PCDHGB2: variants seen among roughly 807,000 people sequenced by gnomAD.
PCDHGB2 encodes the protein protocadherin gamma subfamily B, 2.
Under a neutral mutation model 59.3 loss-of-function variants are expected in PCDHGB2, and 55 were observed. The ratio of observed to expected loss-of-function variants is 0.93; its 90% CI spans 0.75 to 1.16. PCDHGB2 has a LOEUF of 1.16. Among genes scored for constraint, PCDHGB2 ranks in the 50% most tolerant of loss-of-function variants. PCDHGB2 has a pLI of 0.00. For missense variants in PCDHGB2, 1,228 were observed against 1,198.5 expected, an observed-to-expected ratio of 1.02 and a Z score of -0.36; for synonymous variants, 516 against 512.0, an observed-to-expected ratio of 1.01 and a Z score of -0.11.
chr5:141,460,075 C>T (rs2098981644), intron 1 of PCDHGB2, among the ~76,000 whole-genome samples: 2 of 151,896 alleles, frequency 1.3e-5, no homozygotes, highest in East Asian at 1.9e-4. Context: ...GAGACTTCAT[C>T]TAAAAAATAA....
chr5:141,393,615 G>A (rs1168568292), intron 1 of PCDHGB2: 1 of 1,613,928 alleles, frequency 6.2e-7, no homozygotes, highest in South Asian at 1.1e-5. Context: ...AACAGCCAGC[G>A]ACCCGGATGA....
rs559636619 is a variant in PCDHGB2 at position 141,371,768 on chromosome 5, C to A, written c.2421+9212C>A. ...CCGTTTTCCACCAGGCCTCCTACAC[C>A]GTGCATGTAGCTGAGAACAATCCGC... On this transcript the variant is annotated intron_variant, in intron 1 of 3. Coordinates refer to ENST00000522605, the MANE Select transcript of PCDHGB2 (RefSeq NM_018923.3). 6.8e-6 allele frequency: 11 copies of A among 1,614,032 alleles called. No homozygotes were observed. The South Asian group carries it at 7.7e-5, about 11-fold the overall frequency.
intron 1 of PCDHGB2, among the ~76,000 whole-genome samples, chr5:141,457,046 T>A (rs2098905373): frequency 6.6e-6 from 1 of 152,198 alleles, no homozygotes; most frequent in South Asian, 2.1e-4. Flanking sequence ...ATAGTAAAAC[T>A]TTCATGCTTC....
chr5:141,460,026 C>T (rs565259315), intron 1 of PCDHGB2, among the ~76,000 whole-genome samples: 36 of 152,090 alleles, frequency 2.4e-4, no homozygotes, highest in Non-Finnish European at 3.2e-4. Flanking sequence ...TGCAGTGAGC[C>T]GAGACTGCAC....
At position 141,484,465 on chromosome 5, in the gene PCDHGB2, A is replaced by G. The variant is rs2099596840; in HGVS notation, c.2422-10342A>G. On this transcript the variant is annotated intron_variant, in intron 1 of 3. Coordinates refer to ENST00000522605, the MANE Select transcript of PCDHGB2 (RefSeq NM_018923.3). ...ATTTAATTGGCTACGTTAATGTGTA[A>G]GCCTTTTCTGCAAAGAGATGGATCC... is the stretch of plus-strand genomic sequence containing the variant. Among the ~76,000 whole-genome samples, 4 of 152,236 alleles carry G rather than the reference A, an allele frequency of 2.6e-5. No individual in the cohort carries two copies. In the South Asian group the frequency reaches 6.2e-4, roughly 24 times the overall value.
At chr5:141,455,607 G>A (rs2098827849) in intron 1 of PCDHGB2, among the ~76,000 whole-genome samples, 1 of 152,248 alleles carries the variant, frequency 6.6e-6, no homozygotes, top group East Asian at 1.9e-4. Context: ...GGGCGCCATG[G>A]ATGTTCTAAA....
At chr5:141,393,224 T>C in intron 1 of PCDHGB2, 1 of 1,613,670 alleles carries the variant, frequency 6.2e-7, no homozygotes, top group South Asian at 1.1e-5. Flanking sequence ...AGGTCGAAGA[T>C]CTAGAAGTAA....
At chr5:141,437,764 A>G (rs1408729040) in intron 1 of PCDHGB2, among the ~76,000 whole-genome samples, 1 of 149,226 alleles carries the variant, frequency 6.7e-6, no homozygotes, top group Non-Finnish European at 1.5e-5. Flanking sequence ...TTTGAGACAG[A>G]GTCTCAATCT....
In PCDHGB2 at chr5:141,489,291, C is replaced by A; in HGVS notation, c.2422-5516C>A. ...TCGCTGGGAAATGGCAAGTGCTGTG[C>A]ATGTTGTCCTTGTGCTGCTGGGGCT... is the stretch of plus-strand genomic sequence containing the variant. On this transcript the variant is annotated intron_variant, in intron 1 of 3. Transcript: ENST00000522605. This position sits in a 1 kb window ranked among gnomAD's most constrained non-coding sequence, Gnocchi z 4.5. 6.3e-7 allele frequency: 1 copy of A among 1,577,628 alleles called. No homozygotes were observed. The highest frequency in any genetic ancestry group is 8.6e-7 in the Non-Finnish European group (1 of 1,161,994).
Position 141,489,784 on chromosome 5 carries a change from G to A in PCDHGB2, c.2422-5023G>A. 1 of 1,614,218 alleles carries A rather than the reference G, an allele frequency of 6.2e-7. No individual in the cohort carries two copies. Among genetic ancestry groups the A allele is most frequent in the Non-Finnish European group, 8.5e-7 (1 of 1,180,010 alleles). On this transcript the variant is annotated intron_variant, in intron 1 of 3. Transcript: ENST00000522605. This position sits in a 1 kb window ranked among gnomAD's most constrained non-coding sequence, Gnocchi z 4.5. ...CCCCAACAGCCACTTCTCTCTGAAT[G>A]TGAAGACCCTAAAAGATGGGAAGCC...
intron 1 of PCDHGB2, chr5:141,378,008 G>C (rs1168840541): frequency 6.6e-6 from 1 of 152,090 alleles, no homozygotes; most frequent in Non-Finnish European, 1.5e-5. Context: ...GCTCAAATAA[G>C]CTCTACTTAT....
At chr5:141,449,264 C>CTG (rs2098633558) in intron 1 of PCDHGB2, among the ~76,000 whole-genome samples, 1 of 152,056 alleles carries the variant, frequency 6.6e-6, no homozygotes, top group African/African-American at 2.4e-5. Context: ...GTACAAAGAA[C>CTG]TGTATCTCCT....
intron 1 of PCDHGB2, among the ~76,000 whole-genome samples, chr5:141,467,931 T>C (rs771009105): frequency 1.3e-5 from 2 of 151,966 alleles, no homozygotes; most frequent in Non-Finnish European, 2.9e-5. Flanking sequence ...AATGCTAGGA[T>C]TACAAGCATG....
intron 2 of PCDHGB2, among the ~76,000 whole-genome samples, chr5:141,495,703 GGAGT>G (rs2099763108): frequency 6.6e-6 from 1 of 152,098 alleles, no homozygotes; most frequent in South Asian, 2.1e-4. Context: ...CAATAAATGT[GGAGT>G]GAGTAACTAC....
intron 1 of PCDHGB2, chr5:141,419,981 AT>A (rs1205154474): frequency 1.2e-6 from 2 of 1,614,052 alleles, no homozygotes; most frequent in Admixed American, 3.3e-5. Flanking sequence ...CCTCGCGGTG[AT>A]TCTAGCTATT....
intron 1 of PCDHGB2, chr5:141,404,569 C>T (rs887708182): frequency 6.2e-7 from 1 of 1,613,608 alleles, no homozygotes; most frequent in African/African-American, 1.3e-5. Context: ...ACAGTGGAAG[C>T]CCACCACTTA....
At chr5:141,394,268 C>G in intron 1 of PCDHGB2, 1 of 1,613,946 alleles carries the variant, frequency 6.2e-7, no homozygotes, top group African/African-American at 1.3e-5. Flanking sequence ...AGGAGAATGC[C>G]CAGGTCACTT....
chr5:141,485,768 C>G lies in PCDHGB2; in HGVS notation c.2422-9039C>G. ...GGTCCCAGAGCTGCTCCTGGAGAAG[C>G]CTTTGGATCGAGAGAAGCAATCGGA... On this transcript the variant is annotated intron_variant, in intron 1 of 3. Coordinates refer to ENST00000522605, the MANE Select transcript of PCDHGB2 (RefSeq NM_018923.3). The surrounding 1 kb of genome is among the most constrained non-coding windows in gnomAD (Gnocchi z 5.7). 5 of 1,614,192 alleles carry G rather than the reference C, an allele frequency of 3.1e-6. No homozygotes were observed. The South Asian group carries it at 3.3e-5, about 11-fold the overall frequency.
At chr5:141,427,306 A>G (rs1023837851) in intron 1 of PCDHGB2, 6 of 456,826 alleles carry the variant, frequency 1.3e-5, no homozygotes, top group African/African-American at 1.2e-4. Flanking sequence ...GAGAATGACA[A>G]TGCCCCAGAC....
Sources: gnomAD v4.1 joint callset for allele counts (sites outside exome capture counted in the v4.1 genomes callset) on GRCh38, gnomAD v4.1.1 for gene constraint, Gnocchi (gnomAD v3.1) non-coding constraint, MANE v1.5 for transcripts, NCBI Gene and HGNC (gene_info 2026-07-23, HGNC 2026-07-21) for gene names.